The following EPS8 variants were observed in gnomAD, a reference collection of about 807,000 sequenced individuals.
The protein encoded by EPS8 is epidermal growth factor receptor kinase substrate 8.
A neutral mutation model predicts 103.8 loss-of-function variants in EPS8; 42 were observed. That is an observed-to-expected ratio of 0.40 (90% CI 0.32 to 0.52). The LOEUF (loss-of-function observed/expected upper bound fraction) is 0.52, where lower values mean the gene tolerates loss of function less well. Among genes scored for constraint, EPS8 ranks in the 20% least tolerant of loss-of-function variants. The pLI, the probability that EPS8 is intolerant of heterozygous loss-of-function variation, is 0.40. For missense variants in EPS8, 969 were observed against 1,005.1 expected, an observed-to-expected ratio of 0.96 and a Z score of 0.49; for synonymous variants, 344 against 344.6, an observed-to-expected ratio of 1.00 and a Z score of 0.02.
chr12:15,774,924 A>G (rs1947193210), intron 1 of EPS8, among the ~76,000 whole-genome samples: 1 of 151,966 alleles, frequency 6.6e-6, no homozygotes, highest in South Asian at 2.1e-4. Flanking sequence ...CCCTGCTACC[A>G]AACAATTAAG....
At chr12:15,668,798 A>C (rs939857610) in intron 6 of EPS8, among the ~76,000 whole-genome samples, 11 of 152,232 alleles carry the variant, frequency 7.2e-5, no homozygotes, top group African/African-American at 2.7e-4. Flanking sequence ...TACTGTCCAC[A>C]AAGCAAGATT....
intron 18 of EPS8, among the ~76,000 whole-genome samples, chr12:15,628,957 A>G (rs1308704198): frequency 6.6e-6 from 1 of 152,248 alleles, no homozygotes; most frequent in Non-Finnish European, 1.5e-5. Flanking sequence ...CAATAAAGTT[A>G]TCAAGAAATA....
chr12:15,683,030 T>C, intron 1 of EPS8, 58 bp from the exon 2 acceptor site: 1 of 845,068 alleles, frequency 1.2e-6, no homozygotes, highest in Admixed American at 2.7e-5. Context: ...CATCTCAGTT[T>C]CAAAAGTTAT....
At chr12:15,624,497 C>A in intron 18 of EPS8, 90 bp from the exon 19 acceptor site, 1 of 936,332 alleles carries the variant, frequency 1.1e-6, no homozygotes, top group Non-Finnish European at 1.6e-6. Flanking sequence ...TCCTTGACCC[C>A]AGTAGGACCT....
chr12:15,620,593 A>G lies in EPS8; in HGVS notation c.*724T>C, dbSNP rs1465676172. ...TTCCTTTGCTAGATTTTGAGAAGAC[A>G]TGACCTCTTTCGCATTTGTGCTTTC... On this transcript the variant is annotated 3_prime_UTR_variant, in exon 21 of 21. Transcript: ENST00000281172. 1 of 152,648 alleles carries G rather than the reference A, an allele frequency of 6.6e-6. No homozygotes were observed. Among genetic ancestry groups the G allele is most frequent in the Admixed American group, 6.5e-5 (1 of 15,276 alleles). 9.5% of individuals were successfully genotyped at this position (152,648 alleles called of 1,614,324 possible). A position where few individuals can be genotyped will look rare whatever the true frequency, so the allele number is the denominator to read the frequency against.
In EPS8 at chr12:15,650,957, G is replaced by A. The variant is rs147224631; in HGVS notation, c.1300C>T (p.Arg434Cys). The change falls in exon 14 of 21, where the codon CGC (arginine) becomes TGC (cysteine). Residue 434 changes from arginine (R) to cysteine (C), a missense_variant. Physicochemically the swap from Arg to Cys is radical, Grantham distance 180. Transcript: ENST00000281172. ...AGCATTGGGGGCTCCCAGCCATTGC[G>A]GAATCGTGGAACATATGGTGGAATA... ...QFIPPYVPRF[R>C]NGWEPPMLNF... 88 of 1,613,920 alleles carry A rather than the reference G, an allele frequency of 5.5e-5. No homozygotes were observed. Among genetic ancestry groups the A allele is most frequent in the Middle Eastern group, 3.3e-4 (2 of 6,084 alleles).
chr12:15,660,709 T>C lies in EPS8; in HGVS notation c.842A>G (p.Glu281Gly), dbSNP rs756995241. 2 of 1,608,846 alleles carry C rather than the reference T, an allele frequency of 1.2e-6. No homozygotes were observed. Among genetic ancestry groups the C allele is most frequent in the Non-Finnish European group, 1.7e-6 (2 of 1,175,902 alleles). Residue 281 changes from glutamate (E) to glycine (G), a missense_variant, in exon 10 of 21, where the codon GAA becomes GGA. Glu to Gly is a moderately conservative substitution (Grantham distance 98, BLOSUM62 -2). Coordinates refer to ENST00000281172, the MANE Select transcript of EPS8 (RefSeq NM_004447.6). ...QILNHILDDIEFFITKLQKAA... is the reference protein window; with the variant it reads ...QILNHILDDIGFFITKLQKAA... Reference sequence around the variant, plus strand: ...TTTTTGGAGTTTTGTGATAAAAAATTCAATGTCATCCAAAATGTGGTTTAA... The same window carrying C: ...TTTTTGGAGTTTTGTGATAAAAAATCCAATGTCATCCAAAATGTGGTTTAA...
chr12:15,702,978 A>T lies in EPS8; in HGVS notation c.-21-20006T>A, dbSNP rs1164465813. Among the ~76,000 whole-genome samples, 1 of 152,084 alleles carries T rather than the reference A, an allele frequency of 6.6e-6. No individual in the cohort carries two copies. The highest frequency in any genetic ancestry group is 2.4e-5 in the African/African-American group (1 of 41,446). On this transcript the variant is annotated intron_variant, in intron 1 of 20. Transcript: ENST00000281172. The surrounding 1 kb of genome is among the most constrained non-coding windows in gnomAD (Gnocchi z 5.1). Reference sequence around the variant, plus strand: ...ATCCTGGCCAACATAGTGAAACCCCATCTCCACTAAAAATACAAAAATTAG... The same window carrying T: ...ATCCTGGCCAACATAGTGAAACCCCTTCTCCACTAAAAATACAAAAATTAG...
At position 15,767,885 on chromosome 12, in the gene EPS8, T is replaced by A. The variant is rs1430158061; in HGVS notation, c.-22+21276A>T. 6.6e-6 allele frequency among the ~76,000 whole-genome samples: 1 copy of A among 152,238 alleles called. No individual in the cohort carries two copies. The highest frequency in any genetic ancestry group is 1.5e-5 in the Non-Finnish European group (1 of 68,038). ...TACAAAGTTGTCTTTCCCCAGAGAATAAAATAGATATTTTTGGTTGTTATT... is the reference window on the plus strand; with the variant it reads ...TACAAAGTTGTCTTTCCCCAGAGAAAAAAATAGATATTTTTGGTTGTTATT... On this transcript the variant is annotated intron_variant, in intron 1 of 20. Coordinates refer to ENST00000281172, the MANE Select transcript of EPS8 (RefSeq NM_004447.6). The surrounding 1 kb of genome is among the most constrained non-coding windows in gnomAD (Gnocchi z 5.5).
intron 8 of EPS8, among the ~76,000 whole-genome samples, chr12:15,664,678 G>A (rs916463303): frequency 3.9e-5 from 6 of 152,128 alleles, no homozygotes; most frequent in East Asian, 1.9e-4. Context: ...GAGTTATATC[G>A]TTTAACTATA....
rs753014541 is a variant in EPS8, at chr12:15,761,616, C to G, written c.-22+27545G>C. ...AGACCAATAGAAAAGAATAGAGAACCCAGAAACAAATCCACACATCTACAG... is the reference window on the plus strand; with the variant it reads ...AGACCAATAGAAAAGAATAGAGAACGCAGAAACAAATCCACACATCTACAG... On this transcript the variant is annotated intron_variant, in intron 1 of 20. Coordinates refer to ENST00000281172, the MANE Select transcript of EPS8 (RefSeq NM_004447.6). The surrounding 1 kb of genome is among the most constrained non-coding windows in gnomAD (Gnocchi z 4.5). 1.3e-5 allele frequency among the ~76,000 whole-genome samples: 2 copies of G among 151,848 alleles called. No homozygotes were observed. The highest frequency in any genetic ancestry group is 2.9e-5 in the Non-Finnish European group (2 of 67,918).
rs1946766585 is a variant in EPS8, at chr12:15,736,347, C to A, written c.-22+52814G>T. Among the ~76,000 whole-genome samples, 1 of 152,134 alleles carries A rather than the reference C, an allele frequency of 6.6e-6. No individual in the cohort carries two copies. Among genetic ancestry groups the A allele is most frequent in the South Asian group, 2.1e-4 (1 of 4,824 alleles). On this transcript the variant is annotated intron_variant, in intron 1 of 20. Transcript: ENST00000281172. This position sits in a 1 kb window ranked among gnomAD's most constrained non-coding sequence, Gnocchi z 4.2. The stretch of plus-strand genomic sequence containing the variant: ...TTTGAATTCCAACGCCATAAGTTAA[C>A]ACTACGGAAATACTGAAGAGAATTT...
Position 15,714,368 on chromosome 12 carries a change from C to T in EPS8, c.-21-31396G>A, listed in dbSNP as rs1455950759. Among the ~76,000 whole-genome samples, 3 of 152,088 alleles carry T rather than the reference C, an allele frequency of 2.0e-5. No homozygotes were observed. The highest frequency in any genetic ancestry group is 2.9e-5 in the Non-Finnish European group (2 of 68,016). On this transcript the variant is annotated intron_variant, in intron 1 of 20. Coordinates refer to ENST00000281172, the MANE Select transcript of EPS8 (RefSeq NM_004447.6). The surrounding 1 kb of genome is among the most constrained non-coding windows in gnomAD (Gnocchi z 4.1). Reference sequence around the variant, plus strand: ...ATAAAGATATGGCACAGGCTGGGTACAGTGGCTCACACCTGTAATCCCAGC... The same window carrying T: ...ATAAAGATATGGCACAGGCTGGGTATAGTGGCTCACACCTGTAATCCCAGC...
rs1280517192 is a variant in EPS8 at position 15,717,692 on chromosome 12, T to C, written c.-21-34720A>G. ...ATTATACGTTCTTTCCAGAAGTTAT[T>C]TAGAAGAGTGAGACCATACTTAAAT... On this transcript the variant is annotated intron_variant, in intron 1 of 20. Transcript: ENST00000281172. This position sits in a 1 kb window ranked among gnomAD's most constrained non-coding sequence, Gnocchi z 4.3. 6.6e-6 allele frequency among the ~76,000 whole-genome samples: 1 copy of C among 152,198 alleles called. No individual in the cohort carries two copies. Among genetic ancestry groups the C allele is most frequent in the Non-Finnish European group, 1.5e-5 (1 of 68,036 alleles).
In EPS8 at chr12:15,716,512, T is replaced by C. The variant is rs562666702; in HGVS notation, c.-21-33540A>G. Among the ~76,000 whole-genome samples, 3 of 152,308 alleles carry C rather than the reference T, an allele frequency of 2.0e-5. No individual in the cohort carries two copies. The highest frequency in any genetic ancestry group is 1.3e-4 in the Admixed American group (2 of 15,298). On this transcript the variant is annotated intron_variant, in intron 1 of 20. Coordinates refer to ENST00000281172, the MANE Select transcript of EPS8 (RefSeq NM_004447.6). The surrounding 1 kb of genome is among the most constrained non-coding windows in gnomAD (Gnocchi z 5.0). ...AAGCTCATGGGTATTTGCTGATTCC[T>C]TCAGTTTTCTATGATAGGGCAGTTT...
At position 15,777,296 on chromosome 12, in the gene EPS8, A is replaced by C. The variant is rs1287409261; in HGVS notation, c.-22+11865T>G. Among the ~76,000 whole-genome samples the C allele has an allele frequency of 2.0e-5, 3 of 151,962 alleles. No homozygotes were observed. Among genetic ancestry groups the C allele is most frequent in the Non-Finnish European group, 2.9e-5 (2 of 67,948 alleles). On this transcript the variant is annotated intron_variant, in intron 1 of 20. Coordinates refer to ENST00000281172, the MANE Select transcript of EPS8 (RefSeq NM_004447.6). The surrounding 1 kb of genome is among the most constrained non-coding windows in gnomAD (Gnocchi z 4.7). ...GAAAAAAAACACACACACACACACA[A>C]AACAAAACAAAAAACCAACAGCATA...
rs577464064 is a variant in EPS8 at position 15,640,553 on chromosome 12, C to T, written c.1821+150G>A. On this transcript the variant is annotated intron_variant, in intron 17 of 20. Coordinates refer to ENST00000281172, the MANE Select transcript of EPS8 (RefSeq NM_004447.6). ...TGTAATTCTTCCCTGTGTCTCTCACCATTGCCACTCCCCCACCAATTACTC... is the reference window on the plus strand; with the variant it reads ...TGTAATTCTTCCCTGTGTCTCTCACTATTGCCACTCCCCCACCAATTACTC... The T allele has an allele frequency of 1.0e-5, 6 of 573,118 alleles. No individual in the cohort carries two copies. The South Asian group carries it at 2.0e-4, about 19-fold the overall frequency. 35.5% of individuals were successfully genotyped at this position (573,118 alleles called of 1,614,324 possible). A position where few individuals can be genotyped will look rare whatever the true frequency, so the allele number is the denominator to read the frequency against.
intron 1 of EPS8, among the ~76,000 whole-genome samples, chr12:15,739,233 C>T (rs908256933): frequency 6.6e-6 from 1 of 152,168 alleles, no homozygotes; most frequent in African/African-American, 2.4e-5. Context: ...GATCATAGGG[C>T]AGAGGCAAGA....
rs532483877 is a variant in EPS8, at chr12:15,717,695, G to A, written c.-21-34723C>T. 2.6e-5 allele frequency among the ~76,000 whole-genome samples: 4 copies of A among 152,314 alleles called. No homozygotes were observed. Among genetic ancestry groups the A allele is most frequent in the Admixed American group, 6.5e-5 (1 of 15,304 alleles). On this transcript the variant is annotated intron_variant, in intron 1 of 20. Transcript: ENST00000281172. This position sits in a 1 kb window ranked among gnomAD's most constrained non-coding sequence, Gnocchi z 4.3. ...ATACGTTCTTTCCAGAAGTTATTTA[G>A]AAGAGTGAGACCATACTTAAATTAA...
Sources: allele counts gnomAD v4.1 joint callset (sites outside exome capture counted in the v4.1 genomes callset), GRCh38; gene constraint gnomAD v4.1.1; non-coding constraint Gnocchi (gnomAD v3.1); transcripts MANE v1.5; gene names NCBI Gene and HGNC (gene_info 2026-07-23, HGNC 2026-07-21).